The following JAK1 variants were observed in gnomAD, a reference collection of about 807,000 sequenced individuals.
JAK1 encodes tyrosine-protein kinase JAK1.
Under a neutral mutation model 136.6 loss-of-function variants are expected in JAK1, and 16 were observed. That is an observed-to-expected ratio of 0.12 (90% CI 0.08 to 0.18). JAK1 has a LOEUF of 0.18. JAK1 is among the 10% of genes least tolerant of loss of function. The probability of loss-of-function intolerance (pLI) is 1.00; values close to 1 mark genes in which losing one functional copy is unlikely to be tolerated. For missense variants in JAK1, 859 were observed against 1,450.1 expected (o/e 0.59, Z 6.62); for synonymous variants, 492 against 519.5 (o/e 0.95, Z 0.72).
At chr1:64,946,227 G>A (rs555101902) in intron 1 of JAK1, among the ~76,000 whole-genome samples, 3 of 152,342 alleles carry the variant, frequency 2.0e-5, no homozygotes, top group South Asian at 4.1e-4. Flanking sequence ...CACAGTGGTC[G>A]TCTTCTATTC....
chr1:64,863,948 A>T (rs1656527796), intron 8 of JAK1, among the ~76,000 whole-genome samples: 1 of 152,214 alleles, frequency 6.6e-6, no homozygotes. Context: ...GAACAGAGGG[A>T]TATATAAATA....
intron 1 of JAK1, among the ~76,000 whole-genome samples, chr1:64,966,118 A>C (rs1052824659): frequency 6.7e-6 from 1 of 150,186 alleles, no homozygotes; most frequent in African/African-American, 2.5e-5. Context: ...CCGCCCGGCG[A>C]CCTCCTCGCC....
chr1:64,905,838 T>A (rs1645181552), intron 1 of JAK1, among the ~76,000 whole-genome samples: 2 of 152,112 alleles, frequency 1.3e-5, no homozygotes. Flanking sequence ...GGAAAAGAGG[T>A]CAGGTTCCAG....
chr1:64,863,310 G>A (rs2780901), intron 8 of JAK1, among the ~76,000 whole-genome samples: 41,864 of 108,658 alleles, frequency 0.39, 8,460 homozygotes, highest in African/African-American at 0.57. Flanking sequence ...TGCAGCATAT[G>A]ACACGGGGCC....
chr1:64,974,404 A>C (rs1015081804), intron 2 of JAK1: 11 of 152,152 alleles, frequency 7.2e-5, no homozygotes, highest in African/African-American at 2.2e-4. Context: ...CAAGTTCCTA[A>C]ATTAATCCTG....
chr1:64,844,619 G>A lies in JAK1; in HGVS notation c.2251+135C>T, dbSNP rs2100992604. The A allele has an allele frequency of 9.7e-7, 1 of 1,036,118 alleles. No individual in the cohort carries two copies. The highest frequency in any genetic ancestry group is 2.5e-5 in the East Asian group (1 of 39,402). The allele number at this position is 1,036,118 out of a possible 1,614,324, so 64.2% of individuals were successfully genotyped here. On this transcript the variant is annotated intron_variant, in intron 16 of 24. Coordinates refer to ENST00000342505, the MANE Select transcript of JAK1 (RefSeq NM_002227.4). The surrounding 1 kb of genome is among the most constrained non-coding windows in gnomAD (Gnocchi z 5.7). ...AGATCAAGACCATCCTGGCCAACAT[G>A]GTGAAACCCCGTCTCTACTAAAATA...
At chr1:65,004,947 A>C (rs563366955) in intron 2 of JAK1, among the ~76,000 whole-genome samples, 1 of 152,328 alleles carries the variant, frequency 6.6e-6, no homozygotes, top group African/African-American at 2.4e-5. Context: ...ATGTCTAAAA[A>C]TTTTTGAAAT....
chr1:65,027,679 GA>G (rs1253640005), intron 2 of JAK1, among the ~76,000 whole-genome samples: 3 of 152,182 alleles, frequency 2.0e-5, no homozygotes, highest in South Asian at 2.1e-4. Context: ...TGGGTGAATA[GA>G]GTCTCAGACT....
intron 2 of JAK1, among the ~76,000 whole-genome samples, chr1:64,994,550 C>CACA (rs1646686366): frequency 6.6e-6 from 1 of 152,140 alleles, no homozygotes. Flanking sequence ...AGATGAAAAG[C>CACA]ACAGTCTCAG....
intron 3 of JAK1, among the ~76,000 whole-genome samples, chr1:64,882,943 G>A (rs2101259062): frequency 6.6e-6 from 1 of 152,312 alleles, no homozygotes; most frequent in South Asian, 2.1e-4. Flanking sequence ...CTCATCTAGT[G>A]CTGATATTAT....
chr1:64,918,824 C>T (rs6588105), intron 1 of JAK1: 151,188 of 153,036 alleles, frequency 0.99, 74,708 homozygotes, highest in Middle Eastern at 1. Flanking sequence ...ATTACATTAA[C>T]AAATAACTGA....
At chr1:64,978,347 A>G (rs1440571618) in intron 2 of JAK1, among the ~76,000 whole-genome samples, 1 of 152,218 alleles carries the variant, frequency 6.6e-6, no homozygotes, top group Non-Finnish European at 1.5e-5. Flanking sequence ...TATCTGATTT[A>G]ATTATTGTAT....
At chr1:64,879,519 C>T (rs950227392) in intron 3 of JAK1, among the ~76,000 whole-genome samples, 5 of 152,146 alleles carry the variant, frequency 3.3e-5, no homozygotes, top group African/African-American at 1.2e-4. Flanking sequence ...CTTTGCTAAT[C>T]GGAAACACTC....
intron 2 of JAK1, chr1:64,985,373 C>G (rs1646588668): frequency 2.5e-6 from 4 of 1,611,270 alleles, no homozygotes; most frequent in African/African-American, 1.3e-5. Flanking sequence ...CATCTTTCAT[C>G]TCCTGGATGT....
chr1:64,907,551 G>A (rs1429108896), intron 1 of JAK1, among the ~76,000 whole-genome samples: 6 of 152,154 alleles, frequency 3.9e-5, no homozygotes, highest in Non-Finnish European at 7.3e-5. Flanking sequence ...GTGAAGGGTG[G>A]GAGGAGGGAG....
rs184824930 is a variant in JAK1, at chr1:65,038,364, A to G, written c.-78+6116T>C. Among the ~76,000 whole-genome samples, 1,243 of 151,394 alleles carry G rather than the reference A, an allele frequency of 8.2e-3. 16 individuals carry two copies. The highest frequency in any genetic ancestry group is 0.026 in the African/African-American group (1,071 of 41,244). On this transcript the variant is annotated intron_variant, in intron 2 of 25. Transcript: ENST00000671954. ...CAGGCATGTGCCACCACGCCCAGCT[A>G]ATTTTTGCATTTTTAGTAGAGACGG...
At chr1:64,993,368 T>A (rs1049037051) in intron 2 of JAK1, 2 of 152,224 alleles carry the variant, frequency 1.3e-5, no homozygotes, top group East Asian at 3.8e-4. Context: ...GTAGAGAGGA[T>A]AACACCTACC....
chr1:64,939,588 G>A (rs1645851842), intron 1 of JAK1, among the ~76,000 whole-genome samples: 1 of 152,198 alleles, frequency 6.6e-6, no homozygotes, highest in Non-Finnish European at 1.5e-5. Context: ...ATAATACCAT[G>A]TAACACAAAA....
chr1:64,976,030 A>G (rs1175489564), intron 2 of JAK1, among the ~76,000 whole-genome samples: 1 of 152,180 alleles, frequency 6.6e-6, no homozygotes, highest in African/African-American at 2.4e-5. Flanking sequence ...ATTAACACAG[A>G]GTTTTGGGGA....
Sources: gnomAD v4.1 joint callset for allele counts (sites outside exome capture counted in the v4.1 genomes callset) on GRCh38, gnomAD v4.1.1 for gene constraint, Gnocchi (gnomAD v3.1) non-coding constraint, MANE v1.5 for transcripts, NCBI Gene and HGNC (gene_info 2026-07-23, HGNC 2026-07-21) for gene names.